QPCTL: variants seen among roughly 807,000 people sequenced by gnomAD.
QPCTL encodes the protein glutaminyl-peptide cyclotransferase-like protein.
A neutral mutation model predicts 34.6 loss-of-function variants in QPCTL; 31 were observed. The ratio of observed to expected loss-of-function variants is 0.90; its 90% CI spans 0.67 to 1.21. QPCTL has a LOEUF of 1.21. Ranked by LOEUF, QPCTL falls within the 50% of genes most tolerant of loss-of-function variation. The pLI is 0.00. For missense variants in QPCTL, 474 were observed against 507.8 expected (o/e 0.93, Z 0.64); for synonymous variants, 223 against 226.9 (o/e 0.98, Z 0.15).
intron 5 of QPCTL, among the ~76,000 whole-genome samples, chr19:45,699,887 A>G (rs1344725452): frequency 6.9e-6 from 1 of 145,784 alleles, no homozygotes; most frequent in Non-Finnish European, 1.5e-5. Context: ...AGCCGAGATC[A>G]CGCCACTGCA....
chr19:45,698,400 G>A (rs955421720), intron 3 of QPCTL, 147 bp from the exon 4 acceptor site: 39 of 964,570 alleles, frequency 4.0e-5, no homozygotes, highest in African/African-American at 3.3e-4. Flanking sequence ...CAACTGACTC[G>A]GAATCTGTGC....
At chr19:45,693,585 C>G (rs1282619529) in intron 2 of QPCTL, 29 bp downstream of exon 2, 3 of 1,568,310 alleles carry the variant, frequency 1.9e-6, no homozygotes, top group Non-Finnish European at 2.6e-6. Context: ...AGTCCCTGAC[C>G]CCCTAGCCCT....
chr19:45,702,322 G>A (rs1698074770), intron 6 of QPCTL, among the ~76,000 whole-genome samples: 1 of 151,892 alleles, frequency 6.6e-6, no homozygotes, highest in African/African-American at 2.4e-5. Flanking sequence ...AATTAGCCGG[G>A]CATGGTGGTT....
rs750929491 is a variant in QPCTL, at chr19:45,698,915, G to A, written c.886+15G>A. ...GAGGAGCATTGGTAAGGGTGAATGCGGAGGTGGGCCCCAGCCCACCTGGGG... is the reference window on the plus strand; with the variant it reads ...GAGGAGCATTGGTAAGGGTGAATGCAGAGGTGGGCCCCAGCCCACCTGGGG... On this transcript the variant is annotated intron_variant, in intron 5 of 6. Transcript: ENST00000012049. 1.4e-5 allele frequency: 23 copies of A among 1,609,944 alleles called. No homozygotes were observed. Among genetic ancestry groups the A allele is most frequent in the African/African-American group, 9.4e-5 (7 of 74,790 alleles).
In QPCTL at chr19:45,703,086, G is replaced by C. The variant is rs748480783; in HGVS notation, c.*37G>C. ...AATGACTGTGGAGAGGACTGTGAGA[G>C]AGAAGGTCCCAGCGGGGGCCAGTGA... On this transcript the variant is annotated 3_prime_UTR_variant, in exon 7 of 7. Coordinates refer to ENST00000012049, the MANE Select transcript of QPCTL (RefSeq NM_017659.4). 2 of 1,613,160 alleles carry C rather than the reference G, an allele frequency of 1.2e-6. No individual in the cohort carries two copies. The highest frequency in any genetic ancestry group is 8.5e-7 in the Non-Finnish European group (1 of 1,179,166).
rs762529321 is a variant in QPCTL, at chr19:45,698,681, C to A, written c.768C>A (p.Pro256=). The part of the protein sequence containing the change: ...LMESIPHSPG[P]TRIQAIELFM... Reference sequence around the variant, plus strand: ...AGTCTATACCTCACAGCCCCGGCCCCACCAGGATCCAGGCTATTGTAAGAC... The same window carrying A: ...AGTCTATACCTCACAGCCCCGGCCCAACCAGGATCCAGGCTATTGTAAGAC... Residue 256 remains proline, a synonymous_variant, in exon 4 of 7, where the codon CCC becomes CCA. Transcript: ENST00000012049. The A allele has an allele frequency of 5.6e-6, 9 of 1,614,018 alleles. No individual in the cohort carries two copies. Among genetic ancestry groups the A allele is most frequent in the Non-Finnish European group, 7.6e-6 (9 of 1,180,008 alleles).
chr19:45,697,971 G>A (rs991408157), intron 3 of QPCTL, among the ~76,000 whole-genome samples: 7 of 152,144 alleles, frequency 4.6e-5, no homozygotes, highest in African/African-American at 9.7e-5. Flanking sequence ...TGCCGGGCGC[G>A]GTGGCTCACA....
chr19:45,702,945 G>C lies in QPCTL; in HGVS notation c.1045G>C (p.Val349Leu). 6.2e-7 allele frequency: 1 copy of C among 1,614,046 alleles called. No individual in the cohort carries two copies. The highest frequency in any genetic ancestry group is 2.2e-5 in the East Asian group (1 of 44,872). ...LHLISTPFPA[V>L]WHTPADTEVN... ...TCTCATCTCCACGCCCTTCCCTGCT[G>C]TCTGGCACACCCCTGCGGACACCGA... Residue 349 changes from valine to leucine, a missense_variant, in exon 7 of 7, where the codon GTC becomes CTC. By Grantham distance (32) the Val-to-Leu change is conservative. Transcript: ENST00000012049.
Position 45,698,422 on chromosome 19 carries a change from A to G in QPCTL, c.634-125A>G, listed in dbSNP as rs188855154. 3.8e-5 allele frequency: 45 copies of G among 1,177,836 alleles called. No individual in the cohort carries two copies. In the African/African-American group the frequency reaches 6.3e-4, roughly 17 times the overall value. 73.0% of individuals were successfully genotyped at this position (1,177,836 alleles called of 1,614,324 possible). A position where few individuals can be genotyped will look rare whatever the true frequency, so the allele number is the denominator to read the frequency against. On this transcript the variant is annotated intron_variant, in intron 3 of 6. Transcript: ENST00000012049. ...CTCGGAATCTGTGCTCTTGGCTACC[A>G]CGTTCTATGAGTGAGGACACCTTAT...
At chr19:45,702,055 G>A (rs1967821113) in intron 6 of QPCTL, 141 bp downstream of exon 6, 1 of 641,386 alleles carries the variant, frequency 1.6e-6, no homozygotes, top group East Asian at 2.7e-5. Flanking sequence ...TCTGTAAAAT[G>A]GGGATAATAC....
At position 45,694,358 on chromosome 19, in the gene QPCTL, G is replaced by A. The variant is rs1031627832; in HGVS notation, c.351+802G>A. 2.0e-5 allele frequency among the ~76,000 whole-genome samples: 3 copies of A among 151,988 alleles called. No individual in the cohort carries two copies. The South Asian group carries it at 6.2e-4, about 32-fold the overall frequency. ...TGCGCCACTGCACCCCAGCATGGGT[G>A]ACAGAGCGAGACTCCATCTCAAAAA... On this transcript the variant is annotated intron_variant, in intron 2 of 6. Transcript: ENST00000012049.
rs1378140755 is a variant in QPCTL at position 45,695,419 on chromosome 19, C to T, written c.352-18C>T. On this transcript the variant is annotated intron_variant, in intron 2 of 6. Transcript: ENST00000012049. Reference sequence around the variant, plus strand: ...TCCCCAGTCCCCGTCCACCCTCCCACCTCTCTCTTGCCGCTAGTTCCTGGA... The same window carrying T: ...TCCCCAGTCCCCGTCCACCCTCCCATCTCTCTCTTGCCGCTAGTTCCTGGA... 3.7e-6 allele frequency: 6 copies of T among 1,600,450 alleles called. No individual in the cohort carries two copies. In the African/African-American group the frequency reaches 5.4e-5, roughly 14 times the overall value.
intron 3 of QPCTL, among the ~76,000 whole-genome samples, chr19:45,696,524 A>G (rs1187651885): frequency 1.3e-5 from 2 of 151,564 alleles, no homozygotes; most frequent in Non-Finnish European, 2.9e-5. Flanking sequence ...CGGGAGGCGG[A>G]GGTTGCAGTG....
chr19:45,694,644 G>A (rs1967654643), intron 2 of QPCTL, among the ~76,000 whole-genome samples: 2 of 151,584 alleles, frequency 1.3e-5, no homozygotes, highest in Admixed American at 6.6e-5. Flanking sequence ...CTAATTTTTT[G>A]TATTTTTAGT....
chr19:45,697,380 C>T (rs192628398), intron 3 of QPCTL, among the ~76,000 whole-genome samples: 89 of 140,640 alleles, frequency 6.3e-4, no homozygotes, highest in African/African-American at 2.2e-3. Context: ...GAGCCGAGAT[C>T]GCGCCACTGT....
intron 3 of QPCTL, 104 bp downstream of exon 3, chr19:45,695,822 T>C (rs886335486): frequency 2.3e-6 from 3 of 1,296,590 alleles, no homozygotes; most frequent in Non-Finnish European, 3.1e-6. Context: ...CTTCCCACTC[T>C]ACTCCACGCA....
At chr19:45,700,460 TAAAC>T (rs1161236920) in intron 5 of QPCTL, among the ~76,000 whole-genome samples, 2 of 151,350 alleles carry the variant, frequency 1.3e-5, no homozygotes, top group East Asian at 3.9e-4. Context: ...AATAAATAAA[TAAAC>T]AAATAAATAA....
chr19:45,695,853 T>C (rs1287925815), intron 3 of QPCTL, 135 bp downstream of exon 3: 36 of 1,150,284 alleles, frequency 3.1e-5, no homozygotes, highest in Non-Finnish European at 4.0e-5. Flanking sequence ...GGGATCTTTT[T>C]TTTTTTTTTG....
intron 3 of QPCTL, among the ~76,000 whole-genome samples, chr19:45,696,253 T>C (rs570038406): frequency 6.6e-6 from 1 of 152,152 alleles, no homozygotes; most frequent in African/African-American, 2.4e-5. Context: ...CCGCAGAGCT[T>C]GCTCCCACCT....
Sources: allele counts gnomAD v4.1 joint callset (sites outside exome capture counted in the v4.1 genomes callset), GRCh38; gene constraint gnomAD v4.1.1; transcripts MANE v1.5; gene names NCBI Gene and HGNC (gene_info 2026-07-23, HGNC 2026-07-21).